Variants in COL19A1 observed in about 807,000 individuals in gnomAD.
COL19A1 encodes the protein collagen type XIX alpha 1 chain, also known as collagen alpha-1(XIX) chain.
A neutral mutation model predicts 190.2 loss-of-function variants in COL19A1; 159 were observed. The ratio of observed to expected loss-of-function variants is 0.84; its 90% CI spans 0.73 to 0.95. The LOEUF (loss-of-function observed/expected upper bound fraction) is 0.95, where lower values mean the gene tolerates loss of function less well. COL19A1 is among the 40% of genes least tolerant of loss of function. The pLI, the probability that COL19A1 is intolerant of heterozygous loss-of-function variation, is 0.00. For missense variants in COL19A1, 1,418 were observed against 1,431.9 expected, an observed-to-expected ratio of 0.99 and a Z score of 0.16; for synonymous variants, 509 against 458.9, an observed-to-expected ratio of 1.11 and a Z score of -1.39.
intron 19 of COL19A1, among the ~76,000 whole-genome samples, chr6:70,139,949 A>G (rs1786134899): frequency 6.7e-6 from 1 of 149,526 alleles, no homozygotes; most frequent in African/African-American, 2.5e-5. Context: ...TTTTATAACC[A>G]GTTACTTTAG....
At chr6:69,877,096 C>A (rs1284498532) in intron 1 of COL19A1, among the ~76,000 whole-genome samples, 2 of 152,128 alleles carry the variant, frequency 1.3e-5, no homozygotes, top group Non-Finnish European at 2.9e-5. Context: ...AGAATTTAGA[C>A]ACTGGTATAA....
At chr6:70,116,647 TG>T (rs1027841512) in intron 16 of COL19A1, among the ~76,000 whole-genome samples, 2 of 141,908 alleles carry the variant, frequency 1.4e-5, no homozygotes, top group African/African-American at 5.2e-5. Context: ...TCCTAATGAC[TG>T]TTTTTTTTTC....
rs113377641 is a variant in COL19A1, at chr6:69,935,494, A to C, written c.748-1291A>C. ...ATATCAAATCAAATGAGATGAATGA[A>C]CTGTTTTGGTAATAACCTTGTTCCA... is the stretch of plus-strand genomic sequence containing the variant. On this transcript the variant is annotated intron_variant, in intron 7 of 50. Transcript: ENST00000620364. Among the ~76,000 whole-genome samples, 4 of 152,074 alleles carry C rather than the reference A, an allele frequency of 2.6e-5. No homozygotes were observed. In the South Asian group the frequency reaches 8.3e-4, roughly 31 times the overall value.
intron 40 of COL19A1, among the ~76,000 whole-genome samples, chr6:70,170,434 C>T (rs992229553): frequency 3.3e-5 from 5 of 152,266 alleles, no homozygotes; most frequent in Non-Finnish European, 7.4e-5. Context: ...TTCTAATCTT[C>T]TCCATAAACC....
At chr6:69,901,506 T>G (rs1356185633) in intron 4 of COL19A1, among the ~76,000 whole-genome samples, 1 of 152,208 alleles carries the variant, frequency 6.6e-6, no homozygotes, top group East Asian at 1.9e-4. Context: ...TAATGGGTGG[T>G]TGTTAGGTGG....
At chr6:70,043,329 C>G (rs1170340175) in intron 14 of COL19A1, among the ~76,000 whole-genome samples, 2 of 151,710 alleles carry the variant, frequency 1.3e-5, no homozygotes, top group Non-Finnish European at 2.9e-5. Flanking sequence ...GTAGCTGGGA[C>G]TACAGGCGCC....
At chr6:70,190,919 C>T (rs540152) in intron 48 of COL19A1, among the ~76,000 whole-genome samples, 116,224 of 152,086 alleles carry the variant, frequency 0.76, 45,292 homozygotes, top group African/African-American at 0.92. Flanking sequence ...GCAGTGGGAG[C>T]GAGTTATATT....
intron 34 of COL19A1, among the ~76,000 whole-genome samples, chr6:70,159,578 A>G (rs1486596743): frequency 6.6e-6 from 1 of 152,152 alleles, no homozygotes; most frequent in Non-Finnish European, 1.5e-5. Context: ...CCTTCTTCAT[A>G]TCATATCACA....
At chr6:69,936,955 A>G in intron 8 of COL19A1, 45 bp downstream of exon 8, 1 of 1,602,492 alleles carries the variant, frequency 6.2e-7, no homozygotes, top group Non-Finnish European at 8.5e-7. Context: ...ACTCCAGACT[A>G]TGAGCCCAGC....
intron 14 of COL19A1, among the ~76,000 whole-genome samples, chr6:70,047,364 T>C (rs1178741762): frequency 1.3e-5 from 2 of 152,126 alleles, no homozygotes; most frequent in Non-Finnish European, 2.9e-5. Flanking sequence ...AAAATGTGTT[T>C]ATCATAATAA....
intron 14 of COL19A1, among the ~76,000 whole-genome samples, chr6:70,039,156 T>A (rs989190422): frequency 4.2e-4 from 64 of 152,096 alleles, no homozygotes; most frequent in Admixed American, 1.3e-4. Context: ...CACATACCAA[T>A]AAAGCCAGAA....
chr6:70,000,333 G>A (rs2150083403), intron 11 of COL19A1, among the ~76,000 whole-genome samples: 1 of 152,264 alleles, frequency 6.6e-6, no homozygotes, highest in African/African-American at 2.4e-5. Context: ...AAACATACGT[G>A]TACATGTGTC....
intron 19 of COL19A1, among the ~76,000 whole-genome samples, chr6:70,138,739 T>C (rs918709096): frequency 6.6e-6 from 1 of 152,152 alleles, no homozygotes; most frequent in African/African-American, 2.4e-5. Flanking sequence ...GTCTGTGGCC[T>C]ATGTACCCCA....
chr6:70,132,987 C>T (rs1490822611), intron 18 of COL19A1, among the ~76,000 whole-genome samples: 2 of 152,118 alleles, frequency 1.3e-5, no homozygotes, highest in African/African-American at 2.4e-5. Context: ...ACATATAAAG[C>T]CCTCACTAAA....
chr6:70,063,450 C>T lies in COL19A1; in HGVS notation c.1171-4973C>T, dbSNP rs1264852153. On this transcript the variant is annotated intron_variant, in intron 14 of 50. Transcript: ENST00000620364. ...GAAACCAACGAGAACAAAGACACAA[C>T]ATACCAGAATCTCTGGGACACATTT... Among the ~76,000 whole-genome samples the T allele has an allele frequency of 6.6e-5, 10 of 151,982 alleles. No homozygotes were observed. The East Asian group carries it at 1.5e-3, about 23-fold the overall frequency.
chr6:70,144,366 A>G (rs1348583072), intron 24 of COL19A1, 103 bp downstream of exon 24: 2 of 999,458 alleles, frequency 2.0e-6, no homozygotes, highest in East Asian at 5.0e-5. Context: ...CTGGGATTGT[A>G]CAGATTGTGC....
At chr6:70,138,711 T>G (rs1453138811) in intron 19 of COL19A1, among the ~76,000 whole-genome samples, 1 of 152,090 alleles carries the variant, frequency 6.6e-6, no homozygotes, top group Non-Finnish European at 1.5e-5. Context: ...GACAGTAATT[T>G]TTGCAGCTTT....
At chr6:70,141,417 C>T (rs1786242325) in intron 20 of COL19A1, among the ~76,000 whole-genome samples, 2 of 152,022 alleles carry the variant, frequency 1.3e-5, no homozygotes, top group South Asian at 4.1e-4. Flanking sequence ...TAGCCAGTAT[C>T]ATCCTCTTTT....
intron 1 of COL19A1, chr6:69,867,331 A>G (rs1249381782): frequency 2.0e-5 from 3 of 153,178 alleles, no homozygotes; most frequent in East Asian, 3.9e-4. Context: ...ATTACCCTGC[A>G]GCATGCGCAG....
Sources: allele counts gnomAD v4.1 joint callset (sites outside exome capture counted in the v4.1 genomes callset), GRCh38; gene constraint gnomAD v4.1.1; transcripts MANE v1.5; gene names NCBI Gene and HGNC (gene_info 2026-07-23, HGNC 2026-07-21).